The following FREM3 variants were observed in gnomAD, a reference collection of about 807,000 sequenced individuals.
FREM3 encodes the protein FRAS1 related extracellular matrix 3, also known as FRAS1-related extracellular matrix protein 3.
A neutral mutation model predicts 129.1 loss-of-function variants in FREM3; 105 were observed. The ratio of observed to expected loss-of-function variants is 0.81; its 90% CI spans 0.69 to 0.96. The LOEUF (loss-of-function observed/expected upper bound fraction) is 0.96. Among genes scored for constraint, FREM3 ranks in the 40% least tolerant of loss-of-function variants. FREM3 has a pLI of 0.00. For synonymous variants in FREM3, 1,014 were observed against 1,044.9 expected (o/e 0.97, Z 0.57); for missense variants, 2,593 against 2,666.3 (o/e 0.97, Z 0.61).
In FREM3 at chr4:143,695,627, A is replaced by G; in HGVS notation, c.5049T>C (p.Ile1683=). 1 of 1,537,256 alleles carries G rather than the reference A, an allele frequency of 6.5e-7. No homozygotes were observed. Among genetic ancestry groups the G allele is most frequent in the Admixed American group, 2.0e-5 (1 of 51,004 alleles). The change falls in exon 1 of 8, where the codon ATT becomes ATC. Residue 1683 remains isoleucine, a synonymous_variant. Coordinates refer to ENST00000329798, the MANE Select transcript of FREM3 (RefSeq NM_001168235.2). The stretch of plus-strand genomic sequence containing the variant: ...CTTCTGCCTTCAGAGACTTGCTGGT[A>G]ATCAGGAAGCCCATGTGTCCAGTGT... ...RLHTGHMGFL[I]TSKSLKAEDQ... is the part of the protein sequence containing the mutation.
intron 6 of FREM3, among the ~76,000 whole-genome samples, chr4:143,593,213 T>C (rs191054106): frequency 2.2e-3 from 339 of 152,224 alleles, no homozygotes; most frequent in Non-Finnish European, 3.5e-3. Context: ...GTTTGATCTA[T>C]TGAAGCCTTC....
chr4:143,610,749 G>A (rs1383353269), intron 6 of FREM3, among the ~76,000 whole-genome samples: 1 of 152,178 alleles, frequency 6.6e-6, no homozygotes, highest in Admixed American at 6.5e-5. Flanking sequence ...AGGGGAGTTG[G>A]TGTTTAGGAA....
chr4:143,675,389 C>T (rs541562064), intron 2 of FREM3, among the ~76,000 whole-genome samples: 82 of 152,182 alleles, frequency 5.4e-4, no homozygotes, highest in South Asian at 2.3e-3. Flanking sequence ...ACATTTAAAG[C>T]AGTGTGTAGA....
chr4:143,697,090 G>T lies in FREM3; in HGVS notation c.3586C>A (p.Leu1196Ile). 6.5e-7 allele frequency: 1 copy of T among 1,537,770 alleles called. No homozygotes were observed. Among genetic ancestry groups the T allele is most frequent in the Non-Finnish European group, 8.7e-7 (1 of 1,147,028 alleles). ...ILPTNDEQPK[L>I]FAHEFKVLEG... ...AGTACCTTAAACTCATGGGCAAAAA[G>T]TTTAGGCTGCTCATCATTGGTGGGT... Residue 1196 changes from leucine to isoleucine, a missense_variant, in exon 1 of 8, where the codon CTT becomes ATT. By Grantham distance (5) the Leu-to-Ile change is conservative. Around this residue, in one of 2 missense-constraint regions of FREM3, gnomAD observed 2,276 missense variants for 2,267.2 expected, o/e 1.00. Coordinates refer to ENST00000329798, the MANE Select transcript of FREM3 (RefSeq NM_001168235.2).
intron 2 of FREM3, among the ~76,000 whole-genome samples, chr4:143,663,176 T>C (rs1452231629): frequency 1.3e-5 from 2 of 151,488 alleles, no homozygotes; most frequent in African/African-American, 4.9e-5. Context: ...TTCTTCCTAG[T>C]CTTGATGGTC....
chr4:143,673,695 G>A (rs1159615881), intron 2 of FREM3, among the ~76,000 whole-genome samples: 1 of 152,248 alleles, frequency 6.6e-6, no homozygotes, highest in African/African-American at 2.4e-5. Context: ...CAGAGGTAGA[G>A]TCTACAGAGG....
rs567882934 is a variant in FREM3, at chr4:143,597,127, AACAG to A, written c.6029-11138_6029-11135del. On this transcript the variant is annotated intron_variant, in intron 6 of 7. Transcript: ENST00000329798. ...GAGCCCCAAAAAGAGACCAAAAACA[AACAG>A]ACAGAAAAATAAGCAAACAAGCAAA... Among the ~76,000 whole-genome samples, 1,397 of 152,248 alleles carry A rather than the reference AACAG, an allele frequency of 9.2e-3. 22 individuals carry two copies. Among genetic ancestry groups the A allele is most frequent in the African/African-American group, 0.031 (1,308 of 41,542 alleles).
chr4:143,614,350 C>T (rs1283572109), intron 5 of FREM3, among the ~76,000 whole-genome samples: 1 of 152,114 alleles, frequency 6.6e-6, no homozygotes, highest in East Asian at 1.9e-4. Context: ...TTATCTGCAA[C>T]AAGTTAAGAA....
At chr4:143,621,896 G>A (rs1485034859) in intron 4 of FREM3, among the ~76,000 whole-genome samples, 2 of 152,184 alleles carry the variant, frequency 1.3e-5, no homozygotes, top group Admixed American at 1.3e-4. Context: ...CATGCACTGT[G>A]CAATTAAAAT....
chr4:143,587,842 C>G (rs1738269024), intron 6 of FREM3, among the ~76,000 whole-genome samples: 1 of 152,182 alleles, frequency 6.6e-6, no homozygotes, highest in South Asian at 2.1e-4. Flanking sequence ...TCTGGCTGAT[C>G]ACTTAATCAT....
chr4:143,614,707 G>A (rs1300335108), intron 5 of FREM3, among the ~76,000 whole-genome samples: 1 of 152,188 alleles, frequency 6.6e-6, no homozygotes, highest in Non-Finnish European at 1.5e-5. Context: ...TGTTAACCTA[G>A]GAGTTCCCTC....
chr4:143,699,928 C>A lies in FREM3; in HGVS notation c.748G>T (p.Val250Leu), dbSNP rs1274992116. 5 of 1,534,566 alleles carry A rather than the reference C, an allele frequency of 3.3e-6. No individual in the cohort carries two copies. The highest frequency in any genetic ancestry group is 4.4e-6 in the Non-Finnish European group (5 of 1,145,688). Reference sequence around the variant, plus strand: ...GAGGTGGCTGTGTGCTGATAGCGCACCCCAGCACGGAGGAAAGCCTCACAG... The same window carrying A: ...GAGGTGGCTGTGTGCTGATAGCGCAACCCAGCACGGAGGAAAGCCTCACAG... ...VDCEAFLRAG[V>L]RYQHTATSSP... is the part of the protein sequence containing the mutation. Residue 250 changes from valine (V) to leucine (L), a missense_variant, in exon 1 of 8, where the codon GTG becomes TTG. Transcript: ENST00000329798. The surrounding 1 kb of genome is among the most constrained non-coding windows in gnomAD (Gnocchi z 4.2).
chr4:143,689,080 A>G (rs866034977), intron 2 of FREM3, among the ~76,000 whole-genome samples: 1 of 152,204 alleles, frequency 6.6e-6, no homozygotes, highest in Non-Finnish European at 1.5e-5. Context: ...GTCAGCAGAG[A>G]AAACAGACAA....
chr4:143,599,306 G>A (rs1030881273), intron 6 of FREM3, among the ~76,000 whole-genome samples: 20 of 152,148 alleles, frequency 1.3e-4, no homozygotes, highest in Non-Finnish European at 2.2e-4. Flanking sequence ...TAAGGGACAC[G>A]ATATTAGAGA....
Position 143,697,651 on chromosome 4 carries a change from G to A in FREM3, c.3025C>T (p.Gln1009Ter), listed in dbSNP as rs1487440121. 2.0e-6 allele frequency: 3 copies of A among 1,537,858 alleles called. No individual in the cohort carries two copies. In the East Asian group the frequency reaches 7.3e-5, roughly 38 times the overall value. ...ACTCTCCCATTGATGAGATCCTCTT[G>A]GGTGAATCGTTCTGTGGGCAAACCA... is the stretch of plus-strand genomic sequence containing the variant. ...VNGLPTERFT[Q>*]EDLINGRVAY... Residue 1009 changes from glutamine (Q) to a stop codon, truncating the protein, a stop_gained, in exon 1 of 8, where the codon CAA becomes TAA. Transcript: ENST00000329798. LOFTEE classifies it high-confidence loss of function.
Position 143,698,989 on chromosome 4 carries a change from A to G in FREM3, c.1687T>C (p.Ser563Pro), listed in dbSNP as rs1217876011. Residue 563 changes from serine to proline, a missense_variant, in exon 1 of 8, where the codon TCT (serine) becomes CCT (proline). Transcript: ENST00000329798. ...SLTEGQVVQI[S>P]PFVLSATDID... Reference sequence around the variant, plus strand: ...TCAGTAGCACTCAGTACAAAGGGAGAGATCTGGACCACCTGCCCTTCAGTG... The same window carrying G: ...TCAGTAGCACTCAGTACAAAGGGAGGGATCTGGACCACCTGCCCTTCAGTG... 1 of 1,537,252 alleles carries G rather than the reference A, an allele frequency of 6.5e-7. No homozygotes were observed. The highest frequency in any genetic ancestry group is 2.4e-5 in the East Asian group (1 of 40,914).
chr4:143,652,505 A>G (rs1362775663), intron 2 of FREM3, among the ~76,000 whole-genome samples: 1 of 152,230 alleles, frequency 6.6e-6, no homozygotes. Context: ...AAGAGTTTTA[A>G]AAGCCTTAAC....
At chr4:143,686,803 A>G (rs1387243843) in intron 2 of FREM3, among the ~76,000 whole-genome samples, 5 of 152,180 alleles carry the variant, frequency 3.3e-5, no homozygotes, top group Non-Finnish European at 7.4e-5. Context: ...CGACCTATCA[A>G]AACCTCTGGG....
At chr4:143,628,637 A>G (rs1469524469) in intron 2 of FREM3, among the ~76,000 whole-genome samples, 1 of 152,190 alleles carries the variant, frequency 6.6e-6, no homozygotes, top group Non-Finnish European at 1.5e-5. Flanking sequence ...GATCAAGCAT[A>G]TCAAAATGGG....
Sources: gnomAD v4.1 joint callset for allele counts (sites outside exome capture counted in the v4.1 genomes callset) on GRCh38, gnomAD v4.1.1 for gene constraint, gnomAD v4.1.1 regional missense constraint, Gnocchi (gnomAD v3.1) non-coding constraint, MANE v1.5 for transcripts, NCBI Gene and HGNC (gene_info 2026-07-23, HGNC 2026-07-21) for gene names.